OR9I1: variants seen among roughly 807,000 people sequenced by gnomAD.
The protein encoded by OR9I1 is olfactory receptor family 9 subfamily I member 1, also known as olfactory receptor 9I1.
Under a neutral mutation model 11.2 loss-of-function variants are expected in OR9I1, and 7 were observed. That is an observed-to-expected ratio of 0.62 (90% confidence interval 0.36 to 1.17). The LOEUF (loss-of-function observed/expected upper bound fraction) is 1.17, where lower values mean the gene tolerates loss of function less well. Ranked by LOEUF, OR9I1 falls within the 50% of genes most tolerant of loss-of-function variation. OR9I1 has a pLI of 0.02. For missense variants in OR9I1, 428 were observed against 377.2 expected (o/e 1.13, Z -1.12); for synonymous variants, 165 against 153.4 (o/e 1.08, Z -0.56).
At chr11:58,119,510 C>G (rs909454626) in intron 2 of OR9I1, 44 bp from the exon 3 acceptor site, 98 of 1,082,400 alleles carry the variant, frequency 9.1e-5, no homozygotes, top group Non-Finnish European at 1.3e-4. Flanking sequence ...AATTGAAGGA[C>G]AGAATCTTTC....
At chr11:58,120,186 T>C (rs149753955) in intron 2 of OR9I1, among the ~76,000 whole-genome samples, 2 of 152,334 alleles carry the variant, frequency 1.3e-5, no homozygotes, top group Non-Finnish European at 2.9e-5. Flanking sequence ...TAGTTACTTA[T>C]ACATCATGAT....
intron 2 of OR9I1, among the ~76,000 whole-genome samples, chr11:58,119,745 G>T (rs1300932432): frequency 2.6e-5 from 4 of 152,132 alleles, no homozygotes; most frequent in Non-Finnish European, 4.4e-5. Flanking sequence ...GACAGTATCT[G>T]TTCCAGTCCC....
In OR9I1 at chr11:58,118,705, G is replaced by A. The variant is rs763208748; in HGVS notation, c.740C>T (p.Ala247Val). The change falls in exon 3 of 3, where the codon GCT becomes GTT. Residue 247 changes from alanine to valine, a missense_variant. Ala to Val is a moderately conservative substitution (Grantham distance 64). Transcript: ENST00000641439. The part of the protein sequence containing the change: ...TFSTCASHIT[A>V]VALFFGALIF... ...AAGGGCTCCAAAGAAAAGGGCCACA[G>A]CAGTGATGTGAGAGGCACATGTGGA... The A allele has an allele frequency of 8.1e-6, 13 of 1,613,968 alleles. No individual in the cohort carries two copies. Among genetic ancestry groups the A allele is most frequent in the African/African-American group, 1.3e-5 (1 of 74,938 alleles).
chr11:58,125,054 T>C (rs1854075329), intron 1 of OR9I1, among the ~76,000 whole-genome samples: 1 of 152,176 alleles, frequency 6.6e-6, no homozygotes, highest in Non-Finnish European at 1.5e-5. Flanking sequence ...AGAGTCCTAG[T>C]ACATATGACT....
At chr11:58,123,231 G>T (rs974410803) in intron 2 of OR9I1, among the ~76,000 whole-genome samples, 1 of 152,104 alleles carries the variant, frequency 6.6e-6, no homozygotes, top group African/African-American at 2.4e-5. Context: ...TTGTTTTGTT[G>T]TCTCCCTCCA....
chr11:58,118,814 C>A lies in OR9I1; in HGVS notation c.631G>T (p.Ala211Ser), dbSNP rs1297747532. ...AGATAGGAAATCAGGATGACGGAGG[C>A]ATTGGCCAAAATCACAAAATTGCCA... is the stretch of plus-strand genomic sequence containing the variant. ...FFGNFVILAN[A>S]SVILISYLLI... Residue 211 changes from alanine (A) to serine (S), a missense_variant, in exon 3 of 3, where the codon GCC (alanine) becomes TCC (serine). Physicochemically the swap from Ala to Ser is moderately conservative, Grantham distance 99. Coordinates refer to ENST00000641439, the MANE Select transcript of OR9I1 (RefSeq NM_001005211.2). 1.2e-6 allele frequency: 2 copies of A among 1,614,032 alleles called. No homozygotes were observed. Among genetic ancestry groups the A allele is most frequent in the Admixed American group, 3.3e-5 (2 of 60,022 alleles).
chr11:58,122,928 T>A (rs1472704542), intron 2 of OR9I1, among the ~76,000 whole-genome samples: 1 of 151,994 alleles, frequency 6.6e-6, no homozygotes, highest in Non-Finnish European at 1.5e-5. Flanking sequence ...ACACCGTATT[T>A]TTGTGATTTG....
In OR9I1 at chr11:58,119,378, AT is replaced by A; in HGVS notation, c.66del (p.Lys22AsnfsTer11). 6.2e-7 allele frequency: 1 copy of A among 1,613,942 alleles called. No homozygotes were observed. Among genetic ancestry groups the A allele is most frequent in the Non-Finnish European group, 8.5e-7 (1 of 1,179,864 alleles). On this transcript the variant is annotated frameshift_variant, in exon 3 of 3. Coordinates refer to ENST00000641439, the MANE Select transcript of OR9I1 (RefSeq NM_001005211.2). LOFTEE classifies it high-confidence loss of function. Reference protein sequence around the residue: ...FILMGFMDHPKLEIPLFLVFL... With the variant: ...FILMGFMDHPXLEIPLFLVFL... The stretch of plus-strand genomic sequence containing the variant: ...AACACCAGAAAGAGGGGAATCTCCA[AT>A]TTGGGGTGGTCCATAAAGCCCATGA...
Position 58,118,503 on chromosome 11 carries a change from C to T in OR9I1, c.942G>A (p.Met314Ile), listed in dbSNP as rs768158112. The T allele has an allele frequency of 6.9e-5, 109 of 1,584,960 alleles. No individual in the cohort carries two copies. Among genetic ancestry groups the T allele is most frequent in the Non-Finnish European group, 9.0e-5 (105 of 1,166,592 alleles). The change falls in exon 3 of 3, where the codon ATG becomes ATA. Residue 314 changes from methionine to isoleucine, a missense_variant. Met to Ile is a conservative substitution (Grantham distance 10). Transcript: ENST00000641439. ...VARRLQVSLS[M>I] ...CAAGAATTCCTCTTACTTAGATCTA[C>T]ATGCTCAGGGACACCTGGAGTCTCC...
At chr11:58,123,840 T>C (rs1471356969) in intron 2 of OR9I1, among the ~76,000 whole-genome samples, 1 of 152,182 alleles carries the variant, frequency 6.6e-6, no homozygotes, top group Non-Finnish European at 1.5e-5. Flanking sequence ...GGGCATCAAG[T>C]ATAAAGATTG....
In OR9I1 at chr11:58,118,342, TAATTTCACCAC is replaced by T. The variant is rs1434455923; in HGVS notation, c.*147_*157del. 1 of 582,420 alleles carries T rather than the reference TAATTTCACCAC, an allele frequency of 1.7e-6. No homozygotes were observed. Among genetic ancestry groups the T allele is most frequent in the Admixed American group, 3.1e-5 (1 of 32,288 alleles). 36.1% of individuals were successfully genotyped at this position (582,420 alleles called of 1,614,324 possible). On this transcript the variant is annotated 3_prime_UTR_variant, in exon 3 of 3. Transcript: ENST00000641439. The stretch of plus-strand genomic sequence containing the variant: ...GAAAGAACATGGAATTGCTGGAAAC[TAATTTCACCAC>T]AATTGTAGTTTTTCCTGTGTGCCTG...
intron 2 of OR9I1, among the ~76,000 whole-genome samples, chr11:58,122,465 C>G (rs1044473485): frequency 5.3e-5 from 8 of 152,282 alleles, no homozygotes; most frequent in South Asian, 4.1e-4. Context: ...AATGGCAGAG[C>G]TAGGTTATAT....
chr11:58,119,578 A>G (rs1409883209), intron 2 of OR9I1, 112 bp from the exon 3 acceptor site: 2 of 613,952 alleles, frequency 3.3e-6, no homozygotes, highest in Non-Finnish European at 5.5e-6. Flanking sequence ...TTTGTTTTTA[A>G]GAAATTCTGA....
At position 58,119,165 on chromosome 11, in the gene OR9I1, A is replaced by G; in HGVS notation, c.280T>C (p.Tyr94His). The G allele has an allele frequency of 1.2e-6, 2 of 1,614,070 alleles. No individual in the cohort carries two copies. Among genetic ancestry groups the G allele is most frequent in the Non-Finnish European group, 1.7e-6 (2 of 1,180,002 alleles). ...TLATGKTVIS[Y>H]GHCAAQFFLF... ...AAGAACTGGGCAGCACAGTGGCCGT[A>G]GGAGATGACCGTTTTGCCTGTGGCC... The change falls in exon 3 of 3, where the codon TAC (tyrosine) becomes CAC (histidine). Residue 94 changes from tyrosine (Y) to histidine (H), a missense_variant. Transcript: ENST00000641439.
chr11:58,124,172 G>T (rs2120147551), intron 2 of OR9I1, among the ~76,000 whole-genome samples: 1 of 152,256 alleles, frequency 6.6e-6, no homozygotes, highest in South Asian at 2.1e-4. Flanking sequence ...GGTACCATCA[G>T]CTTGGGTGAG....
chr11:58,117,558 A>G lies in OR9I1; in HGVS notation c.*942T>C, dbSNP rs192436163. ...AACATTCTGTTCTCAAGGGTTTTACAGTCTGGTACAGGAGTCATGATTACT... is the reference window on the plus strand; with the variant it reads ...AACATTCTGTTCTCAAGGGTTTTACGGTCTGGTACAGGAGTCATGATTACT... On this transcript the variant is annotated 3_prime_UTR_variant, in exon 3 of 3. Transcript: ENST00000641439. The G allele has an allele frequency of 6.6e-6, 1 of 152,378 alleles. No individual in the cohort carries two copies. Among genetic ancestry groups the G allele is most frequent in the Non-Finnish European group, 1.5e-5 (1 of 68,048 alleles). The allele number at this position is 152,378 out of a possible 1,614,324, so 9.4% of individuals were successfully genotyped here.
Position 58,119,428 on chromosome 11 carries a change from A to T in OR9I1, c.17T>A (p.Leu6His). 6.2e-7 allele frequency: 1 copy of T among 1,607,462 alleles called. No homozygotes were observed. The highest frequency in any genetic ancestry group is 8.5e-7 in the Non-Finnish European group (1 of 1,175,876). The change falls in exon 3 of 3, where the codon CTC becomes CAC. Residue 6 changes from leucine to histidine, a missense_variant. Leu to His is a moderately conservative substitution (Grantham distance 99). Transcript: ENST00000641439. MAKNN[L>H]TRVTEFILMG... ...GAGAATGAATTCGGTTACTCTGGTG[A>T]GATTATTCTTGGCCATGGAGACAAT...
intron 2 of OR9I1, among the ~76,000 whole-genome samples, chr11:58,119,883 C>A (rs978267389): frequency 1.3e-5 from 2 of 152,072 alleles, no homozygotes; most frequent in Non-Finnish European, 2.9e-5. Flanking sequence ...CCTTCTGTAC[C>A]TTTCACACAC....
At chr11:58,121,773 G>A (rs1590602698) in intron 2 of OR9I1, among the ~76,000 whole-genome samples, 1 of 152,164 alleles carries the variant, frequency 6.6e-6, no homozygotes, top group East Asian at 1.9e-4. Flanking sequence ...CATGGGGATT[G>A]CTATTTTTGA....
Sources: allele counts gnomAD v4.1 joint callset (sites outside exome capture counted in the v4.1 genomes callset), GRCh38; gene constraint gnomAD v4.1.1; transcripts MANE v1.5; gene names NCBI Gene and HGNC (gene_info 2026-07-23, HGNC 2026-07-21).